Variants in FANCD2 observed in about 807,000 individuals in gnomAD.
FANCD2 encodes FA complementation group D2, also known as Fanconi anemia group D2 protein.
A neutral mutation model predicts 192.3 loss-of-function variants in FANCD2; 131 were observed. The observed-to-expected ratio is 0.68, with a 90% CI of 0.59 to 0.79. The LOEUF (loss-of-function observed/expected upper bound fraction) is 0.79, where lower values mean the gene tolerates loss of function less well. FANCD2 is among the 30% of genes least tolerant of loss of function. The pLI is 0.00. For synonymous variants in FANCD2, 524 were observed against 612.5 expected (o/e 0.86, Z 2.13); for missense variants, 1,508 against 1,701.6 (o/e 0.89, Z 2.00).
chr3:10,040,650 A>G (rs2086842196), intron 9 of FANCD2: 1 of 446,512 alleles, frequency 2.2e-6, no homozygotes, highest in Non-Finnish European at 4.5e-6. Context: ...AGGGGAGAAC[A>G]ATATCCCTAG....
At chr3:10,087,957 T>A (rs1181553657) in intron 34 of FANCD2, among the ~76,000 whole-genome samples, 4 of 152,192 alleles carry the variant, frequency 2.6e-5, no homozygotes, top group African/African-American at 9.7e-5. Flanking sequence ...CTGGCCTCTT[T>A]CTTAAACTGT....
chr3:10,081,285 A>G, intron 31 of FANCD2, 57 bp downstream of exon 31: 1 of 1,613,548 alleles, frequency 6.2e-7, no homozygotes, highest in Non-Finnish European at 8.5e-7. Context: ...TTTTTGGCTG[A>G]GAAAAAGGAA....
At chr3:10,090,443 A>ATTTTTTT (rs773716319) in intron 37 of FANCD2, 58 bp downstream of exon 37, 29 of 342,286 alleles carry the variant, frequency 8.5e-5, no homozygotes, top group African/African-American at 3.1e-4. Context: ...GAAGTTGCTG[A>ATTTTTTT]TTTTTTTTTT....
At chr3:10,048,163 T>C (rs1283909996) in intron 16 of FANCD2, 112 bp downstream of exon 16, 115 of 1,438,108 alleles carry the variant, frequency 8.0e-5, no homozygotes, top group Non-Finnish European at 1.0e-4. Flanking sequence ...CTGACCTGGG[T>C]CTCAAGAAAG....
In FANCD2 at chr3:10,101,555, T is replaced by A. The variant is rs1695303518; in HGVS notation, c.*293T>A. On this transcript the variant is annotated 3_prime_UTR_variant, in exon 44 of 44. Coordinates refer to ENST00000675286, the MANE Select transcript of FANCD2 (RefSeq NM_001018115.3). ...CACATGCCACCATGCCCAGCTAATT[T>A]TTGTATTTTTAGTAGATACGGGGTT... 2.4e-6 allele frequency: 1 copy of A among 420,380 alleles called. No individual in the cohort carries two copies. Among genetic ancestry groups the A allele is most frequent in the Non-Finnish European group, 4.4e-6 (1 of 225,928 alleles). The allele number at this position is 420,380 out of a possible 1,614,324, so 26.0% of individuals were successfully genotyped here.
chr3:10,071,871 T>C (rs1693269493), intron 26 of FANCD2, among the ~76,000 whole-genome samples: 1 of 152,164 alleles, frequency 6.6e-6, no homozygotes, highest in African/African-American at 2.4e-5. Context: ...GCAATTCTCC[T>C]GCCTCAGCCT....
At chr3:10,027,255 T>C (rs533378394) in intron 1 of FANCD2, among the ~76,000 whole-genome samples, 10 of 152,280 alleles carry the variant, frequency 6.6e-5, no homozygotes, top group Admixed American at 2.0e-4. Context: ...TAAGGGCCCC[T>C]AGGTATACCC....
intron 14 of FANCD2, among the ~76,000 whole-genome samples, chr3:10,046,084 C>T (rs2086999033): frequency 9.1e-6 from 1 of 109,682 alleles, no homozygotes; most frequent in African/African-American, 4.5e-5. Flanking sequence ...AATGGAATCT[C>T]GCTCTCTCAC....
chr3:10,057,281 C>T (rs1277222633), intron 18 of FANCD2, among the ~76,000 whole-genome samples: 3 of 152,090 alleles, frequency 2.0e-5, no homozygotes, highest in Non-Finnish European at 2.9e-5. Flanking sequence ...TGGGTTTTCA[C>T]TCCCTTGATA....
chr3:10,051,404 AAAACAAAAAGGAGT>A (rs1454012739), intron 17 of FANCD2, among the ~76,000 whole-genome samples: 3 of 10,542 alleles, frequency 2.8e-4, no homozygotes, highest in Admixed American at 2.3e-3. Flanking sequence ...AAAAAAAAAA[AAAACAAAAAGGAGT>A]GAGGGATTTA....
intron 14 of FANCD2, among the ~76,000 whole-genome samples, chr3:10,046,070 T>TTTTTTTTTTTTTTA: frequency 2.0e-5 from 3 of 150,280 alleles, no homozygotes; most frequent in Non-Finnish European, 3.0e-5. Context: ...TTTTTTTTTT[T>TTTTTTTTTTTTTTA]GAGAATGGAA....
chr3:10,066,539 T>C (rs1208727272), intron 25 of FANCD2, among the ~76,000 whole-genome samples: 42 of 152,188 alleles, frequency 2.8e-4, no homozygotes, highest in Non-Finnish European at 4.4e-5. Flanking sequence ...TTTTAAGTAC[T>C]TACACTGTAC....
In FANCD2 at chr3:10,039,886, A is replaced by G. The variant is rs373343140; in HGVS notation, c.695+41A>G. The G allele has an allele frequency of 5.6e-6, 9 of 1,613,174 alleles. No individual in the cohort carries two copies. The African/African-American group carries it at 9.4e-5, about 17-fold the overall frequency. On this transcript the variant is annotated intron_variant, in intron 9 of 43. Coordinates refer to ENST00000675286, the MANE Select transcript of FANCD2 (RefSeq NM_001018115.3). ...GTCATCATCTAAGTGAGGCTCAGCT[A>G]TGGGGGTTCTATCACTGCAGTATGC...
In FANCD2 at chr3:10,085,876, CGACT is replaced by C. The variant is rs777514146; in HGVS notation, c.3292_3295del (p.Leu1098AsnfsTer40). On this transcript the variant is annotated frameshift_variant, in exon 33 of 44. Coordinates refer to ENST00000675286, the MANE Select transcript of FANCD2 (RefSeq NM_001018115.3). LOFTEE classifies it high-confidence loss of function. Reference sequence around the variant, plus strand: ...TTCAGCCCTCCATGTCCTTAGTAGCCGACTGAAACAGGGAGAACACAGCCAGCCT... The same window carrying C: ...TTCAGCCCTCCATGTCCTTAGTAGCCGAAACAGGGAGAACACAGCCAGCCT... 6.2e-7 allele frequency: 1 copy of C among 1,613,614 alleles called. No individual in the cohort carries two copies. The highest frequency in any genetic ancestry group is 1.1e-5 in the South Asian group (1 of 91,064).
rs1484398425 is a variant in FANCD2 at position 10,062,228 on chromosome 3, C to CT, written c.1827+20dup. ...TGCACACAGGTGAGTTCTTTTTTTCCTTTCTTTCTTTTTCCTGTCTTTTTT... is the reference window on the plus strand; with the variant it reads ...TGCACACAGGTGAGTTCTTTTTTTCCTTTTCTTTCTTTTTCCTGTCTTTTTT... On this transcript the variant is annotated intron_variant, in intron 20 of 43. Coordinates refer to ENST00000675286, the MANE Select transcript of FANCD2 (RefSeq NM_001018115.3). The CT allele has an allele frequency of 6.2e-7, 1 of 1,605,938 alleles. No homozygotes were observed. The highest frequency in any genetic ancestry group is 1.7e-5 in the Admixed American group (1 of 59,554).
chr3:10,081,806 A>C (rs991575195), intron 32 of FANCD2, among the ~76,000 whole-genome samples: 2 of 152,074 alleles, frequency 1.3e-5, no homozygotes, highest in African/African-American at 4.8e-5. Context: ...CTATTCCATG[A>C]TACCTTCATG....
chr3:10,030,798 G>T (rs1281143125), intron 2 of FANCD2, among the ~76,000 whole-genome samples: 1 of 152,138 alleles, frequency 6.6e-6, no homozygotes, highest in Non-Finnish European at 1.5e-5. Context: ...TACTCGGGAG[G>T]CTGAGGCAGG....
chr3:10,034,347 ATTTGTCTCTGAAATTAGGTTG>A, intron 3 of FANCD2, 101 bp from the exon 4 acceptor site: 1 of 639,556 alleles, frequency 1.6e-6, no homozygotes, highest in Non-Finnish European at 2.8e-6. Context: ...AAAAAAAAAG[ATTTGTCTCTGAAATTAGGTTG>A]AAAATATTTT....
Position 10,074,521 on chromosome 3 carries a change from T to G in FANCD2, c.2716-9T>G, listed in dbSNP as rs760325562. The G allele has an allele frequency of 2.5e-5, 40 of 1,611,748 alleles. No individual in the cohort carries two copies. In the South Asian group the frequency reaches 4.2e-4, roughly 17 times the overall value. ...ATATATTCTCTTTGTTGCTGTGACTTCCCCATAGGAGTTCACAGGGAAGGA... is the reference window on the plus strand; with the variant it reads ...ATATATTCTCTTTGTTGCTGTGACTGCCCCATAGGAGTTCACAGGGAAGGA... On this transcript the variant is annotated splice_polypyrimidine_tract_variant and intron_variant, in intron 28 of 43. Coordinates refer to ENST00000675286, the MANE Select transcript of FANCD2 (RefSeq NM_001018115.3).
Sources: gnomAD v4.1 joint callset for allele counts (sites outside exome capture counted in the v4.1 genomes callset) on GRCh38, gnomAD v4.1.1 for gene constraint, MANE v1.5 for transcripts, NCBI Gene and HGNC (gene_info 2026-07-23, HGNC 2026-07-21) for gene names.